Variants in ZRANB3 observed in about 807,000 individuals in gnomAD.
The protein encoded by ZRANB3 is DNA annealing helicase and endonuclease ZRANB3.
A neutral mutation model predicts 133.8 loss-of-function variants in ZRANB3; 125 were observed. The ratio of observed to expected loss-of-function variants is 0.93; its 90% CI spans 0.81 to 1.08. The LOEUF is 1.08. Ranked by LOEUF, ZRANB3 falls within the 50% of genes least tolerant of loss-of-function variation. The pLI is 0.00. For synonymous variants in ZRANB3, 387 were observed against 432.7 expected, an observed-to-expected ratio of 0.89 and a Z score of 1.31; for missense variants, 1,229 against 1,275.5, an observed-to-expected ratio of 0.96 and a Z score of 0.56.
At chr2:135,373,800 A>AGAGGGGAGGGGAGGGGAGGAGAGGG (rs140153444) in intron 3 of ZRANB3, among the ~76,000 whole-genome samples, 1 of 14,168 alleles carries the variant, frequency 7.1e-5, no homozygotes, top group Non-Finnish European at 1.6e-4. Context: ...AAGAAAAGAA[A>AGAGGGGAGGGGAGGGGAGGAGAGGG]GAGGGGAGGG....
chr2:135,511,055 T>C, intron 1 of ZRANB3: 1 of 774,842 alleles, frequency 1.3e-6, no homozygotes, highest in Non-Finnish European at 2.4e-6. Context: ...CCCTTTGAGG[T>C]TTCTGTGGTG....
At chr2:135,256,062 G>A (rs1350085675) in intron 12 of ZRANB3, among the ~76,000 whole-genome samples, 1 of 151,584 alleles carries the variant, frequency 6.6e-6, no homozygotes, top group Non-Finnish European at 1.5e-5. Flanking sequence ...CTACAGGCAT[G>A]TGCCACCATG....
chr2:135,421,575 C>T (rs1352493249), intron 2 of ZRANB3, among the ~76,000 whole-genome samples: 1 of 152,086 alleles, frequency 6.6e-6, no homozygotes, highest in Non-Finnish European at 1.5e-5. Context: ...TGACTCCTTC[C>T]TCCCTCTTCC....
chr2:135,226,134 A>C (rs1270897973), intron 14 of ZRANB3, among the ~76,000 whole-genome samples: 2 of 152,236 alleles, frequency 1.3e-5, no homozygotes, highest in Non-Finnish European at 2.9e-5. Flanking sequence ...CTTTGATAAA[A>C]ATAACTGTAA....
At chr2:135,482,910 G>C (rs1001245298) in intron 2 of ZRANB3, among the ~76,000 whole-genome samples, 8 of 151,674 alleles carry the variant, frequency 5.3e-5, no homozygotes, top group Non-Finnish European at 8.8e-5. Flanking sequence ...TTTATATGCT[G>C]GATTACATTT....
chr2:135,419,417 A>C (rs947177426), intron 2 of ZRANB3, among the ~76,000 whole-genome samples: 7 of 151,726 alleles, frequency 4.6e-5, no homozygotes, highest in African/African-American at 1.5e-4. Context: ...TGTACAGAGA[A>C]AGAGAGAGAG....
At chr2:135,484,594 T>C (rs1472274663) in intron 2 of ZRANB3, among the ~76,000 whole-genome samples, 1 of 151,862 alleles carries the variant, frequency 6.6e-6, no homozygotes, top group Non-Finnish European at 1.5e-5. Flanking sequence ...GGTTTTTTAA[T>C]ATCTATGAAA....
At chr2:135,259,295 T>G (rs1679824639) in intron 12 of ZRANB3, among the ~76,000 whole-genome samples, 3 of 146,078 alleles carry the variant, frequency 2.1e-5, no homozygotes, top group Non-Finnish European at 4.4e-5. Context: ...GTGCTTGGAT[T>G]ACAGGCAAGA....
At chr2:135,277,865 C>A (rs1391741828) in intron 8 of ZRANB3, among the ~76,000 whole-genome samples, 1 of 148,126 alleles carries the variant, frequency 6.8e-6, no homozygotes, top group Non-Finnish European at 1.5e-5. Flanking sequence ...GTGGAGGTTG[C>A]AGTGAGCCGA....
intron 8 of ZRANB3, among the ~76,000 whole-genome samples, chr2:135,276,679 T>C (rs1010073230): frequency 7.9e-5 from 12 of 152,174 alleles, no homozygotes; most frequent in Admixed American, 7.2e-4. Context: ...GTTTAAAAGA[T>C]AGCAAGTGTA....
In ZRANB3 at chr2:135,219,175, C is replaced by A; in HGVS notation, c.2254G>T (p.Gly752Ter). 6.6e-7 allele frequency: 1 copy of A among 1,517,126 alleles called. No homozygotes were observed. Among genetic ancestry groups the A allele is most frequent in the East Asian group, 2.4e-5 (1 of 40,854 alleles). 94.0% of individuals were successfully genotyped at this position (1,517,126 alleles called of 1,614,324 possible). The change falls in exon 16 of 21, where the codon GGA becomes TGA. Residue 752 changes from glycine to a stop codon, truncating the protein, a stop_gained. Transcript: ENST00000264159. LOFTEE classifies it high-confidence loss of function. The part of the protein sequence containing the change: ...TDRIHIYTKD[G>*]KQMSCNFIPL... Reference sequence around the variant, plus strand: ...ATGAAATTACAGCTCATCTGTTTTCCATCCTGATGATAGATTAGGAAGACA... The same window carrying A: ...ATGAAATTACAGCTCATCTGTTTTCAATCCTGATGATAGATTAGGAAGACA...
intron 6 of ZRANB3, among the ~76,000 whole-genome samples, chr2:135,340,635 G>A (rs1684606772): frequency 6.6e-6 from 1 of 152,070 alleles, no homozygotes; most frequent in Admixed American, 6.6e-5. Context: ...CATGAGGTCA[G>A]GAGTTCAAGA....
intron 3 of ZRANB3, among the ~76,000 whole-genome samples, chr2:135,381,145 C>A (rs527820763): frequency 1.3e-5 from 2 of 152,318 alleles, no homozygotes; most frequent in South Asian, 2.1e-4. Flanking sequence ...TTGGGTCACT[C>A]CCACCCTAAT....
Position 135,208,910 on chromosome 2 carries a change from C to G in ZRANB3, c.2564G>C (p.Arg855Pro), listed in dbSNP as rs377722888. 8 of 1,613,850 alleles carry G rather than the reference C, an allele frequency of 5.0e-6. No individual in the cohort carries two copies. In the African/African-American group the frequency reaches 6.7e-5, roughly 13 times the overall value. ...DKVKNVGGHV[R>P]LITKESRPRD... is the part of the protein sequence containing the mutation. ...TGGCCTGGACTCCTTTGTGATCAGACGGACATGGCCCCCAACATTCTTCAC... is the reference window on the plus strand; with the variant it reads ...TGGCCTGGACTCCTTTGTGATCAGAGGGACATGGCCCCCAACATTCTTCAC... The change falls in exon 18 of 21, where the codon CGT becomes CCT. Residue 855 changes from arginine (R) to proline (P), a missense_variant. Transcript: ENST00000264159.
chr2:135,493,090 TGATACCAA>T (rs562242018), intron 2 of ZRANB3, among the ~76,000 whole-genome samples: 1 of 92,800 alleles, frequency 1.1e-5, no homozygotes, highest in African/African-American at 4.4e-5. Context: ...AAAATTGAGA[TGATACCAA>T]ATATATATAT....
intron 3 of ZRANB3, among the ~76,000 whole-genome samples, chr2:135,371,851 G>A (rs1261861948): frequency 6.6e-6 from 1 of 152,054 alleles, no homozygotes; most frequent in African/African-American, 2.4e-5. Context: ...ATAAGGGTGG[G>A]GCCCTCATGA....
intron 17 of ZRANB3, among the ~76,000 whole-genome samples, chr2:135,214,635 TG>T (rs1558834000): frequency 6.6e-6 from 1 of 152,162 alleles, no homozygotes; most frequent in African/African-American, 2.4e-5. Context: ...TTGAGAGGAC[TG>T]GAAGTTTTGG....
At chr2:135,314,083 C>T (rs948912102) in intron 7 of ZRANB3, among the ~76,000 whole-genome samples, 20 of 152,124 alleles carry the variant, frequency 1.3e-4, no homozygotes, top group Admixed American at 1.3e-3. Flanking sequence ...AGGCTGGTCT[C>T]GAACTCCTAA....
chr2:135,413,931 T>A (rs1688431791), intron 2 of ZRANB3, among the ~76,000 whole-genome samples: 2 of 152,004 alleles, frequency 1.3e-5, no homozygotes, highest in Non-Finnish European at 2.9e-5. Flanking sequence ...CCACCAGGCC[T>A]GCCCTAAAAG....
Sources: gnomAD v4.1 joint callset for allele counts (sites outside exome capture counted in the v4.1 genomes callset) on GRCh38, gnomAD v4.1.1 for gene constraint, MANE v1.5 for transcripts, NCBI Gene and HGNC (gene_info 2026-07-23, HGNC 2026-07-21) for gene names.